Variants in RAD51C observed in about 807,000 individuals in gnomAD.
RAD51C encodes RAD51 paralog C.
A neutral mutation model predicts 45.0 loss-of-function variants in RAD51C; 42 were observed. The ratio of observed to expected loss-of-function variants is 0.93; its 90% confidence interval spans 0.73 to 1.21. The LOEUF is 1.21. Ranked by LOEUF, RAD51C falls within the 50% of genes most tolerant of loss-of-function variation. The pLI, the probability that RAD51C is intolerant of heterozygous loss-of-function variation, is 0.00. For synonymous variants in RAD51C, 172 were observed against 159.8 expected, an observed-to-expected ratio of 1.08 and a Z score of -0.58; for missense variants, 474 against 452.2, an observed-to-expected ratio of 1.05 and a Z score of -0.44.
At chr17:58,696,163 T>A (rs537025847) in intron 2 of RAD51C, among the ~76,000 whole-genome samples, 58 of 152,060 alleles carry the variant, frequency 3.8e-4, no homozygotes, top group Non-Finnish European at 6.8e-4. Flanking sequence ...CTGGGCGCAG[T>A]GGCTGACGCT....
At chr17:58,727,932 A>G (rs914126377) in intron 7 of RAD51C, among the ~76,000 whole-genome samples, 22 of 150,250 alleles carry the variant, frequency 1.5e-4, no homozygotes, top group Non-Finnish European at 2.8e-4. Flanking sequence ...CATCTCTAAG[A>G]TATTAAAAAA....
chr17:58,716,961 C>T (rs939408461), intron 5 of RAD51C, among the ~76,000 whole-genome samples: 13 of 151,786 alleles, frequency 8.6e-5, no homozygotes, highest in African/African-American at 1.9e-4. Context: ...CCACCACGCC[C>T]GGCTAATTTT....
intron 1 of RAD51C, chr17:58,694,622 G>A (rs535490722): frequency 6.1e-5 from 22 of 361,130 alleles, no homozygotes; most frequent in African/African-American, 4.2e-4. Flanking sequence ...ATTATAACGC[G>A]TGCCACCATG....
rs535552942 is a variant in RAD51C at position 58,702,796 on chromosome 17, G to A, written c.572-400G>A. ...GAGGATCCCTTGAGCCTAGGAATTC[G>A]AGGTTGCAGCGAGCTATGATTGTGC... On this transcript the variant is annotated intron_variant, in intron 3 of 8. Transcript: ENST00000337432. Among the ~76,000 whole-genome samples, 6 of 152,142 alleles carry A rather than the reference G, an allele frequency of 3.9e-5. No individual in the cohort carries two copies. The South Asian group carries it at 6.2e-4, about 16-fold the overall frequency.
At chr17:58,715,447 T>C (rs2048700205) in intron 5 of RAD51C, among the ~76,000 whole-genome samples, 1 of 116,844 alleles carries the variant, frequency 8.6e-6, no homozygotes, top group African/African-American at 3.5e-5. Flanking sequence ...AGAGCGAAAC[T>C]CTGTCTCAAA....
At chr17:58,704,530 T>C (rs2048317820) in intron 4 of RAD51C, among the ~76,000 whole-genome samples, 1 of 151,978 alleles carries the variant, frequency 6.6e-6, no homozygotes, top group South Asian at 2.1e-4. Flanking sequence ...GTAAGAATCC[T>C]GTTCGGTCAG....
intron 5 of RAD51C, 107 bp from the exon 6 acceptor site, chr17:58,720,639 A>G: frequency 1.2e-6 from 1 of 811,824 alleles, no homozygotes; most frequent in Non-Finnish European, 2.1e-6. Context: ...TGTCTGGTTA[A>G]TTTTTGTATT....
intron 1 of RAD51C, 113 bp downstream of exon 1, chr17:58,692,901 C>A: frequency 1.3e-6 from 2 of 1,492,970 alleles, no homozygotes; most frequent in Non-Finnish European, 1.9e-6. Context: ...TGCTTCCTCC[C>A]ACGTCCATGT....
chr17:58,729,409 GGGTT>G (rs1269419851), intron 7 of RAD51C, among the ~76,000 whole-genome samples: 1 of 151,578 alleles, frequency 6.6e-6, no homozygotes, highest in Admixed American at 6.6e-5. Flanking sequence ...AGTTGAGATG[GGGTT>G]TCTCCATGTT....
intron 6 of RAD51C, among the ~76,000 whole-genome samples, chr17:58,721,972 C>G (rs1297325205): frequency 6.6e-6 from 1 of 152,072 alleles, no homozygotes; most frequent in African/African-American, 2.4e-5. Context: ...CTGTTTTTGT[C>G]ATTTTCTATC....
At chr17:58,711,077 G>A (rs1190948505) in intron 5 of RAD51C, among the ~76,000 whole-genome samples, 1 of 152,088 alleles carries the variant, frequency 6.6e-6, no homozygotes, top group Non-Finnish European at 1.5e-5. Flanking sequence ...GAAAAGCATA[G>A]TGCCCTGTGT....
chr17:58,730,830 A>ATGTT (rs1162248108), intron 7 of RAD51C, among the ~76,000 whole-genome samples: 6 of 152,150 alleles, frequency 3.9e-5, no homozygotes, highest in African/African-American at 1.2e-4. Context: ...ATGTTTACAT[A>ATGTT]TAGTTCACTG....
rs150914550 is a variant in RAD51C, at chr17:58,720,453, T to C, written c.838-293T>C. On this transcript the variant is annotated intron_variant, in intron 5 of 8. Coordinates refer to ENST00000337432, the MANE Select transcript of RAD51C (RefSeq NM_058216.3). ...AAAATAAAAAATAAAATCACAAGAC[T>C]GTTTACTTGATTATTTATTTATTTA... Among the ~76,000 whole-genome samples, 1,363 of 151,746 alleles carry C rather than the reference T, an allele frequency of 9.0e-3. 18 individuals are homozygous for C. Among genetic ancestry groups the C allele is most frequent in the African/African-American group, 0.031 (1,279 of 41,438 alleles).
intron 8 of RAD51C, among the ~76,000 whole-genome samples, chr17:58,733,879 C>T (rs959698318): frequency 1.1e-4 from 17 of 152,046 alleles, no homozygotes; most frequent in African/African-American, 2.4e-5. Flanking sequence ...CCACCATGCC[C>T]AGCTAATTTT....
intron 1 of RAD51C, chr17:58,693,030 G>C (rs2047839748): frequency 1.8e-6 from 1 of 551,020 alleles, no homozygotes; most frequent in African/African-American, 1.9e-5. Context: ...TGAATGCTTT[G>C]AGGATTGTCT....
At chr17:58,710,707 AT>A (rs2048530317) in intron 5 of RAD51C, among the ~76,000 whole-genome samples, 1 of 152,206 alleles carries the variant, frequency 6.6e-6, no homozygotes, top group African/African-American at 2.4e-5. Flanking sequence ...AACAACCTAG[AT>A]GCTTTGAGGT....
intron 5 of RAD51C, among the ~76,000 whole-genome samples, chr17:58,712,814 G>A (rs1464058440): frequency 3.5e-5 from 5 of 142,690 alleles, no homozygotes; most frequent in African/African-American, 1.0e-4. Context: ...GCAAGACTCC[G>A]TCTCAAAAAA....
At chr17:58,732,302 A>G in intron 7 of RAD51C, 182 bp from the exon 8 acceptor site, 1 of 555,242 alleles carries the variant, frequency 1.8e-6, no homozygotes, top group Non-Finnish European at 3.1e-6. Context: ...AAACTCTGTT[A>G]TATACATACG....
Position 58,735,271 on chromosome 17 carries a change from C to CT in RAD51C, c.*1050dup, listed in dbSNP as rs2144069860. 6.6e-6 allele frequency: 1 copy of CT among 152,474 alleles called. No homozygotes were observed. The highest frequency in any genetic ancestry group is 1.9e-4 in the East Asian group (1 of 5,178). The allele number at this position is 152,474 out of a possible 1,614,324, so 9.4% of individuals were successfully genotyped here. ...AGTGCAGTGGCATGATCATAGCTCACTGCAGCCTCGACCTCCCGGGCTCAA... is the reference window on the plus strand; with the variant it reads ...AGTGCAGTGGCATGATCATAGCTCACTTGCAGCCTCGACCTCCCGGGCTCAA... On this transcript the variant is annotated 3_prime_UTR_variant, in exon 9 of 9. Transcript: ENST00000337432.
Sources: allele counts gnomAD v4.1 joint callset (sites outside exome capture counted in the v4.1 genomes callset), GRCh38; gene constraint gnomAD v4.1.1; transcripts MANE v1.5; gene names NCBI Gene and HGNC (gene_info 2026-07-23, HGNC 2026-07-21).